Variants in ANKDD1A observed in about 807,000 individuals in gnomAD.
The protein encoded by ANKDD1A is ankyrin repeat and death domain-containing protein 1A.
A neutral mutation model predicts 63.5 loss-of-function variants in ANKDD1A; 59 were observed. The observed-to-expected ratio is 0.93, with a 90% confidence interval of 0.75 to 1.15. The LOEUF (loss-of-function observed/expected upper bound fraction) is 1.15, where lower values mean the gene tolerates loss of function less well. ANKDD1A is among the 50% of genes most tolerant of loss of function. The pLI is 0.00. For missense variants in ANKDD1A, 632 were observed against 656.4 expected, an observed-to-expected ratio of 0.96 and a Z score of 0.41; for synonymous variants, 266 against 263.9, an observed-to-expected ratio of 1.01 and a Z score of -0.08.
rs915846710 is a variant in ANKDD1A, at chr15:64,921,978, A to G, written c.325A>G (p.Ile109Val). 3.1e-6 allele frequency: 5 copies of G among 1,614,112 alleles called. No homozygotes were observed. Among genetic ancestry groups the G allele is most frequent in the Non-Finnish European group, 4.2e-6 (5 of 1,180,014 alleles). ...AWFGHLRILQ[I>V]LVNSGAKIHC... The stretch of plus-strand genomic sequence containing the variant: ...GTTCGGCCACTTACGAATCCTCCAG[A>G]TCTTGGTAAACTCAGGGGCCAAGAT... Residue 109 changes from isoleucine (I) to valine (V), a missense_variant, in exon 4 of 15, where the codon ATC (isoleucine) becomes GTC (valine). By Grantham distance (29) the Ile-to-Val change is conservative. Coordinates refer to ENST00000319580, the MANE Select transcript of ANKDD1A (RefSeq NM_182703.6).
Position 64,944,757 on chromosome 15 carries a change from C to T in ANKDD1A, c.1161+10C>T. 1 of 1,612,962 alleles carries T rather than the reference C, an allele frequency of 6.2e-7. No homozygotes were observed. Among genetic ancestry groups the T allele is most frequent in the Non-Finnish European group, 8.5e-7 (1 of 1,179,214 alleles). Reference sequence around the variant, plus strand: ...CTACAGATGGGAGAAGGTACGGAGGCCTCACGCTTGATCTTTCCTCATTGG... The same window carrying T: ...CTACAGATGGGAGAAGGTACGGAGGTCTCACGCTTGATCTTTCCTCATTGG... On this transcript the variant is annotated intron_variant, in intron 12 of 14. Transcript: ENST00000319580.
At chr15:64,922,164 C>T in intron 4 of ANKDD1A, 145 bp downstream of exon 4, 1 of 659,970 alleles carries the variant, frequency 1.5e-6, no homozygotes. Context: ...TGATCTCCCC[C>T]ACCTCCCTTT....
intron 14 of ANKDD1A, among the ~76,000 whole-genome samples, chr15:64,953,209 C>CCTTTCTTGTTCCTTATT (rs2085334507): frequency 2.8e-5 from 4 of 145,308 alleles, no homozygotes; most frequent in Non-Finnish European, 6.0e-5. Flanking sequence ...TCTTTCTTCT[C>CCTTTCTTGTTCCTTATT]CTTCTTTCTT....
chr15:64,926,718 G>T (rs1471607970), intron 5 of ANKDD1A, among the ~76,000 whole-genome samples, 183 bp from the exon 6 acceptor site: 2 of 152,192 alleles, frequency 1.3e-5, no homozygotes, highest in African/African-American at 4.8e-5. Flanking sequence ...AGTGTCTCTT[G>T]TTGGGAAGTT....
At chr15:64,914,302 T>C (rs1402042791) in intron 1 of ANKDD1A, among the ~76,000 whole-genome samples, 3 of 152,114 alleles carry the variant, frequency 2.0e-5, no homozygotes, top group Admixed American at 2.0e-4. Context: ...TGTTTTCTTT[T>C]TAGAGACAGG....
chr15:64,934,454 TC>T (rs1451913908), intron 9 of ANKDD1A, among the ~76,000 whole-genome samples: 1 of 151,728 alleles, frequency 6.6e-6, no homozygotes, highest in Non-Finnish European at 1.5e-5. Context: ...AATTATTAGC[TC>T]CTGTTCTCTG....
intron 14 of ANKDD1A, among the ~76,000 whole-genome samples, chr15:64,953,652 C>T (rs1302282808): frequency 5.7e-3 from 16 of 2,800 alleles, no homozygotes; most frequent in African/African-American, 9.3e-3. Flanking sequence ...TCTTCCTTCT[C>T]CTTCTTTTCT....
chr15:64,941,135 ATAGT>A (rs1191699484), intron 9 of ANKDD1A, among the ~76,000 whole-genome samples: 8 of 152,004 alleles, frequency 5.3e-5, no homozygotes, highest in Admixed American at 1.3e-4. Context: ...TATATCCTTC[ATAGT>A]TAGTTTATAT....
intron 4 of ANKDD1A, among the ~76,000 whole-genome samples, chr15:64,924,175 A>C (rs1266912198): frequency 3.9e-5 from 6 of 152,174 alleles, no homozygotes; most frequent in African/African-American, 1.4e-4. Context: ...CTCTGCAGGA[A>C]GGGTTGGAAT....
At chr15:64,927,524 C>T (rs949337065) in intron 6 of ANKDD1A, among the ~76,000 whole-genome samples, 1 of 151,916 alleles carries the variant, frequency 6.6e-6, no homozygotes, top group African/African-American at 2.4e-5. Context: ...GGACGGGGAC[C>T]AGAGGGTCTA....
chr15:64,954,760 G>GTTCTTCT (rs2085397537), intron 14 of ANKDD1A, among the ~76,000 whole-genome samples: 1 of 99,106 alleles, frequency 1.0e-5, no homozygotes, highest in African/African-American at 4.5e-5. Flanking sequence ...CTTTCTTTTT[G>GTTCTTCT]TTCTTCTTTC....
chr15:64,922,898 A>T (rs1012664214), intron 4 of ANKDD1A, among the ~76,000 whole-genome samples: 1 of 152,212 alleles, frequency 6.6e-6, no homozygotes, highest in African/African-American at 2.4e-5. Flanking sequence ...ATATCACATG[A>T]AAATTTTTGC....
At chr15:64,954,842 TCTTC>T (rs1259140162) in intron 14 of ANKDD1A, among the ~76,000 whole-genome samples, 1 of 122,648 alleles carries the variant, frequency 8.2e-6, no homozygotes, top group Admixed American at 9.9e-5. Context: ...TGTTCTTTCT[TCTTC>T]CTTCTTCTTC....
chr15:64,950,796 T>C (rs959528852), intron 14 of ANKDD1A: 4 of 991,030 alleles, frequency 4.0e-6, no homozygotes, highest in Non-Finnish European at 4.7e-6. Context: ...CATTTCAGGG[T>C]AGAGAGATTA....
intron 9 of ANKDD1A, among the ~76,000 whole-genome samples, chr15:64,937,971 A>G (rs528838062): frequency 3.2e-4 from 48 of 152,202 alleles, no homozygotes; most frequent in African/African-American, 1.1e-3. Flanking sequence ...CCATTAAAAA[A>G]CGATGATTAG....
chr15:64,927,599 TC>T (rs1441275918), intron 6 of ANKDD1A, among the ~76,000 whole-genome samples: 1 of 148,618 alleles, frequency 6.7e-6, no homozygotes. Context: ...TACAGCAAAT[TC>T]CCTTTTTTTT....
At chr15:64,920,514 A>G (rs2085000561) in intron 3 of ANKDD1A, among the ~76,000 whole-genome samples, 1 of 152,190 alleles carries the variant, frequency 6.6e-6, no homozygotes, top group South Asian at 2.1e-4. Context: ...GTGGTGCTGC[A>G]GACTTAAGCT....
intron 3 of ANKDD1A, among the ~76,000 whole-genome samples, chr15:64,920,331 G>A (rs992905789): frequency 3.3e-5 from 5 of 152,170 alleles, no homozygotes; most frequent in Non-Finnish European, 7.3e-5. Flanking sequence ...TGGAGGAAGA[G>A]CACCCTGCAA....
At chr15:64,951,185 G>T (rs1362729763) in intron 14 of ANKDD1A, 1 of 1,049,396 alleles carries the variant, frequency 9.5e-7, no homozygotes, top group Non-Finnish European at 1.2e-6. Flanking sequence ...TTTGTACACT[G>T]ATCTTTTTCA....
Sources: allele counts gnomAD v4.1 joint callset (sites outside exome capture counted in the v4.1 genomes callset), GRCh38; gene constraint gnomAD v4.1.1; transcripts MANE v1.5; gene names NCBI Gene and HGNC (gene_info 2026-07-23, HGNC 2026-07-21).